The following GPT2 variants were observed in gnomAD, a reference collection of about 807,000 sequenced individuals.
The protein encoded by GPT2 is glutamic--pyruvic transaminase 2.
Under a neutral mutation model 56.9 loss-of-function variants are expected in GPT2, and 30 were observed. The ratio of observed to expected loss-of-function variants is 0.53; its 90% CI spans 0.39 to 0.72. The LOEUF (loss-of-function observed/expected upper bound fraction) is 0.72. GPT2 is among the 30% of genes least tolerant of loss of function. The probability of loss-of-function intolerance (pLI) is 0.00; values close to 1 mark genes in which losing one functional copy is unlikely to be tolerated. For missense variants in GPT2, 542 were observed against 703.4 expected (o/e 0.77, Z 2.60); for synonymous variants, 271 against 283.1 (o/e 0.96, Z 0.43).
chr16:46,906,944 A>G lies in GPT2; in HGVS notation c.545A>G (p.Tyr182Cys), dbSNP rs201743697. ...GGVPADPDNI[Y>C]LTTGASDGIS... ...GTGCCTGCGGACCCCGACAACATCT[A>G]CCTGACCACGGGAGCTAGTGACGGC... is the stretch of plus-strand genomic sequence containing the variant. Residue 182 changes from tyrosine to cysteine, a missense_variant, in exon 5 of 12, where the codon TAC becomes TGC. By Grantham distance (194) the Tyr-to-Cys change is radical (BLOSUM62 -2). Transcript: ENST00000340124. 1 of 1,614,214 alleles carries G rather than the reference A, an allele frequency of 6.2e-7. No individual in the cohort carries two copies. The highest frequency in any genetic ancestry group is 1.7e-5 in the Admixed American group (1 of 60,026).
intron 5 of GPT2, among the ~76,000 whole-genome samples, chr16:46,907,840 C>T (rs903308690): frequency 2.0e-5 from 3 of 152,178 alleles, no homozygotes; most frequent in East Asian, 1.9e-4. Flanking sequence ...AAGGAGGTAT[C>T]TCGGGCTGGG....
intron 5 of GPT2, 60 bp downstream of exon 5, chr16:46,907,035 C>T: frequency 6.2e-7 from 1 of 1,605,130 alleles, no homozygotes; most frequent in South Asian, 1.1e-5. Flanking sequence ...GCAGCCTTGC[C>T]TGTTAGGGCC....
chr16:46,890,796 C>A (rs939390387), intron 2 of GPT2, among the ~76,000 whole-genome samples: 1 of 152,146 alleles, frequency 6.6e-6, no homozygotes, highest in East Asian at 1.9e-4. Flanking sequence ...TGTGAGTGTG[C>A]GCCTGAGACA....
intron 2 of GPT2, among the ~76,000 whole-genome samples, chr16:46,888,616 G>A (rs1960528085): frequency 1.3e-5 from 2 of 152,048 alleles, no homozygotes; most frequent in African/African-American, 4.8e-5. Context: ...CAAAGTGCTG[G>A]GATTACAAGC....
At chr16:46,885,603 T>A in intron 2 of GPT2, 1 of 952,522 alleles carries the variant, frequency 1.0e-6, no homozygotes, top group Non-Finnish European at 1.2e-6. Context: ...GTTGGGCCTG[T>A]CGGGCTTTGG....
intron 3 of GPT2, among the ~76,000 whole-genome samples, chr16:46,899,101 C>T (rs1410593197): frequency 1.3e-5 from 2 of 149,362 alleles, no homozygotes; most frequent in Non-Finnish European, 3.0e-5. Context: ...GTCATGATCA[C>T]TGCTCTCTGT....
rs535140515 is a variant in GPT2 at position 46,900,012 on chromosome 16, G to A, written c.334-670G>A. ...GAAGCTGGGCTCCATGAAGCCAGGC[G>A]CTCGCTGAAGTCACCCCACTGGTGT... On this transcript the variant is annotated intron_variant, in intron 3 of 11. Coordinates refer to ENST00000340124, the MANE Select transcript of GPT2 (RefSeq NM_133443.4). 3.9e-4 allele frequency among the ~76,000 whole-genome samples: 59 copies of A among 152,316 alleles called. 1 individual carries two copies. Among genetic ancestry groups the A allele is most frequent in the African/African-American group, 1.3e-3 (52 of 41,566 alleles).
At chr16:46,886,450 C>G (rs558495590) in intron 2 of GPT2, among the ~76,000 whole-genome samples, 2 of 152,324 alleles carry the variant, frequency 1.3e-5, no homozygotes, top group African/African-American at 2.4e-5. Flanking sequence ...AGGGCACTGT[C>G]TTTGCCTTGA....
chr16:46,916,342 T>G, intron 6 of GPT2: 2 of 236,520 alleles, frequency 8.5e-6, no homozygotes, highest in East Asian at 7.8e-5. Context: ...CGAGACTCCG[T>G]CTCAAAAAAA....
At chr16:46,908,886 C>T (rs1960988784) in intron 5 of GPT2, among the ~76,000 whole-genome samples, 1 of 152,158 alleles carries the variant, frequency 6.6e-6, no homozygotes. Context: ...TGAAAAAGGA[C>T]CTATGCCCGT....
chr16:46,906,833 G>T lies in GPT2; in HGVS notation c.443-9G>T. Reference sequence around the variant, plus strand: ...TGCCTCTGTTACTGTCTTGCCTGCTGTCTTACAGGGTCCTACAGTGCTAGC... The same window carrying T: ...TGCCTCTGTTACTGTCTTGCCTGCTTTCTTACAGGGTCCTACAGTGCTAGC... On this transcript the variant is annotated splice_polypyrimidine_tract_variant and intron_variant, in intron 4 of 11. Coordinates refer to ENST00000340124, the MANE Select transcript of GPT2 (RefSeq NM_133443.4). The T allele has an allele frequency of 6.2e-7, 1 of 1,614,034 alleles. No homozygotes were observed.
At chr16:46,916,738 C>T (rs1024986784) in intron 7 of GPT2, 31 bp downstream of exon 7, 1 of 1,427,842 alleles carries the variant, frequency 7.0e-7, no homozygotes, top group African/African-American at 1.4e-5. Flanking sequence ...AGGGAGTGGG[C>T]ACTAGCTTTC....
chr16:46,890,395 A>C (rs1238569036), intron 2 of GPT2, among the ~76,000 whole-genome samples: 1 of 152,108 alleles, frequency 6.6e-6, no homozygotes, highest in African/African-American at 2.4e-5. Context: ...ACACCCTGCC[A>C]TTCTCCTTCC....
Position 46,924,476 on chromosome 16 carries a change from C to T in GPT2, c.1300C>T (p.Pro434Ser). The T allele has an allele frequency of 2.5e-6, 4 of 1,614,156 alleles. No individual in the cohort carries two copies. The highest frequency in any genetic ancestry group is 1.6e-4 in the Middle Eastern group (1 of 6,062). The change falls in exon 10 of 12, where the codon CCC (proline) becomes TCC (serine). Residue 434 changes from proline to serine, a missense_variant. Pro to Ser is a moderately conservative substitution (Grantham distance 74). Transcript: ENST00000340124. ...CCAAGTCCCAGGAATTCACTGCAACCCCTTGCAGGGGGCCATGTACGCCTT... is the reference window on the plus strand; with the variant it reads ...CCAAGTCCCAGGAATTCACTGCAACTCCTTGCAGGGGGCCATGTACGCCTT... ...FNQVPGIHCN[P>S]LQGAMYAFPR... is the part of the protein sequence containing the mutation.
chr16:46,913,619 T>G (rs1313185469), intron 6 of GPT2, among the ~76,000 whole-genome samples: 2 of 152,252 alleles, frequency 1.3e-5, no homozygotes, highest in African/African-American at 4.8e-5. Context: ...TCTAATGGAA[T>G]CATGCCACAG....
intron 10 of GPT2, among the ~76,000 whole-genome samples, chr16:46,925,372 C>G (rs1262081899): frequency 6.6e-6 from 1 of 152,138 alleles, no homozygotes; most frequent in Non-Finnish European, 1.5e-5. Flanking sequence ...TAGGCACCTG[C>G]CATAACACCC....
rs1341004086 is a variant in GPT2, at chr16:46,930,690, T to TACTA, written c.*1694_*1695insCTAA. On this transcript the variant is annotated 3_prime_UTR_variant, in exon 12 of 12. Coordinates refer to ENST00000340124, the MANE Select transcript of GPT2 (RefSeq NM_133443.4). ...AAAGGTTAAATCGTAGAAGCTAGTA[T>TACTA]ATTTTTTATATTTTTGTAACAATTG... is the stretch of plus-strand genomic sequence containing the variant. 1 of 152,656 alleles carries TACTA rather than the reference T, an allele frequency of 6.6e-6. No individual in the cohort carries two copies. The highest frequency in any genetic ancestry group is 6.5e-5 in the Admixed American group (1 of 15,278). The allele number at this position is 152,656 out of a possible 1,614,324, so 9.5% of individuals were successfully genotyped here.
chr16:46,919,596 C>T (rs1284991785), intron 8 of GPT2, among the ~76,000 whole-genome samples: 2 of 152,198 alleles, frequency 1.3e-5, no homozygotes, highest in East Asian at 1.9e-4. Context: ...GGAGGGGGCA[C>T]GGGGGCAGTG....
intron 7 of GPT2, 40 bp downstream of exon 7, chr16:46,916,747 T>G (rs373259897): frequency 1.9e-5 from 26 of 1,403,300 alleles, no homozygotes; most frequent in Non-Finnish European, 2.4e-5. Context: ...GCACTAGCTT[T>G]CTCTTCTAGA....
Sources: allele counts gnomAD v4.1 joint callset (sites outside exome capture counted in the v4.1 genomes callset), GRCh38; gene constraint gnomAD v4.1.1; transcripts MANE v1.5; gene names NCBI Gene and HGNC (gene_info 2026-07-23, HGNC 2026-07-21).